BEST3: variants seen among roughly 807,000 people sequenced by gnomAD.
BEST3 encodes bestrophin 3.
In BEST3, 50 loss-of-function variants were observed where a neutral mutation model predicts 47.1. The ratio of observed to expected loss-of-function variants is 1.06; its 90% CI spans 0.85 to 1.34. The LOEUF (loss-of-function observed/expected upper bound fraction) is 1.34. Among genes scored for constraint, BEST3 ranks in the 40% most tolerant of loss-of-function variants. BEST3 has a pLI of 0.00. For synonymous variants in BEST3, 282 were observed against 298.8 expected (o/e 0.94, Z 0.58); for missense variants, 765 against 817.0 (o/e 0.94, Z 0.78).
At chr12:69,659,013 T>C (rs1482797895) in intron 9 of BEST3, among the ~76,000 whole-genome samples, 1 of 152,190 alleles carries the variant, frequency 6.6e-6, no homozygotes, top group South Asian at 2.1e-4. Context: ...AAAAGCAACG[T>C]TGATGACTGC....
At chr12:69,651,443 A>G (rs1241191224), downstream of BEST3, among the ~76,000 whole-genome samples, 3 of 152,324 alleles carry the variant, frequency 2.0e-5, no homozygotes, top group Admixed American at 2.0e-4. Flanking sequence ...CTCAGAGAGT[A>G]GATTTTATGA....
chr12:69,661,863 C>T (rs1341608907), intron 9 of BEST3, among the ~76,000 whole-genome samples: 1 of 152,184 alleles, frequency 6.6e-6, no homozygotes, highest in Non-Finnish European at 1.5e-5. Context: ...AGGGCTTTGG[C>T]AAATCTGGTT....
At position 69,670,880 on chromosome 12, in the gene BEST3, ATACT is replaced by A. The variant is rs370919284; in HGVS notation, c.1100+544_1100+547del. Among the ~76,000 whole-genome samples, 46 of 152,286 alleles carry A rather than the reference ATACT, an allele frequency of 3.0e-4. No homozygotes were observed. The East Asian group carries it at 8.9e-3, about 29-fold the overall frequency. On this transcript the variant is annotated intron_variant, in intron 9 of 9. Transcript: ENST00000330891. ...ACTGTGGCATCTGCCTTCAGCAAATATACTTAAACTTCTCCCACATTCACACACT... is the reference window on the plus strand; with the variant it reads ...ACTGTGGCATCTGCCTTCAGCAAATATAAACTTCTCCCACATTCACACACT...
intron 3 of BEST3, 163 bp downstream of exon 3, chr12:69,694,207 A>G: frequency 1.7e-6 from 1 of 591,132 alleles, no homozygotes. Context: ...TAATTTCGCA[A>G]AAGCAGCCGT....
intron 8 of BEST3, 51 bp from the exon 9 acceptor site, chr12:69,671,630 A>G: frequency 1.3e-6 from 2 of 1,585,732 alleles, no homozygotes; most frequent in Non-Finnish European, 1.7e-6. Flanking sequence ...ATTAAATAAA[A>G]AGGAGAAGTT....
intron 1 of BEST3, 70 bp from the exon 2 acceptor site, chr12:69,697,883 G>C: frequency 8.0e-7 from 1 of 1,253,492 alleles, no homozygotes; most frequent in Non-Finnish European, 1.1e-6. Flanking sequence ...CTGTATGTCT[G>C]TATATCAAGG....
In BEST3 at chr12:69,654,815, C is replaced by T. The variant is rs752740854; in HGVS notation, c.*92G>A. 2.1e-5 allele frequency: 31 copies of T among 1,493,888 alleles called. No homozygotes were observed. The Middle Eastern group carries it at 1.0e-3, about 48-fold the overall frequency. 92.5% of individuals were successfully genotyped at this position (1,493,888 alleles called of 1,614,324 possible). On this transcript the variant is annotated 3_prime_UTR_variant, in exon 10 of 10. Coordinates refer to ENST00000330891, the MANE Select transcript of BEST3 (RefSeq NM_032735.3). The stretch of plus-strand genomic sequence containing the variant: ...AGTGTGATCATGTTTTTTAAAAAGT[C>T]GACCAGCCTTCAGGTATGTCCTGGG...
At chr12:69,670,629 G>A in intron 9 of BEST3, 2 of 692,772 alleles carry the variant, frequency 2.9e-6, no homozygotes, top group East Asian at 2.7e-5. Flanking sequence ...GGGAAAGAAG[G>A]GTCATAGGCA....
intron 7 of BEST3, among the ~76,000 whole-genome samples, chr12:69,674,752 T>A (rs1212581163): frequency 6.6e-6 from 1 of 152,212 alleles, no homozygotes; most frequent in Non-Finnish European, 1.5e-5. Flanking sequence ...GGGGCTGCAT[T>A]TTCAGCAAGT....
chr12:69,662,282 T>G (rs1002571358), intron 9 of BEST3, among the ~76,000 whole-genome samples: 5 of 152,202 alleles, frequency 3.3e-5, no homozygotes, highest in Non-Finnish European at 5.9e-5. Flanking sequence ...ATTTGAGATA[T>G]TTTTGGTAGT....
chr12:69,687,651 G>A (rs1483858987), intron 4 of BEST3, among the ~76,000 whole-genome samples: 2 of 109,308 alleles, frequency 1.8e-5, no homozygotes, highest in African/African-American at 3.4e-5. Context: ...GCAACTGAGT[G>A]AGAACGTGTC....
intron 4 of BEST3, among the ~76,000 whole-genome samples, chr12:69,688,460 T>G (rs1885763707): frequency 6.6e-6 from 1 of 152,252 alleles, no homozygotes; most frequent in African/African-American, 2.4e-5. Context: ...TTTTTTATTT[T>G]TAATTTGAGA....
chr12:69,676,382 T>C (rs1884920199), intron 7 of BEST3, among the ~76,000 whole-genome samples: 1 of 150,122 alleles, frequency 6.7e-6, no homozygotes, highest in Non-Finnish European at 1.5e-5. Flanking sequence ...CTGTACTCCA[T>C]CCTGGACGAC....
At chr12:69,644,023 T>C (rs1882955680) in intron 9 of BEST3, among the ~76,000 whole-genome samples, 1 of 152,166 alleles carries the variant, frequency 6.6e-6, no homozygotes. Context: ...CAAACCAGCT[T>C]TGACTAATGA....
At chr12:69,657,179 T>A (rs541462062) in intron 9 of BEST3, among the ~76,000 whole-genome samples, 31 of 151,816 alleles carry the variant, frequency 2.0e-4, no homozygotes, top group African/African-American at 7.3e-4. Flanking sequence ...CACTGCAACC[T>A]CTGTCTCCCA....
At chr12:69,694,027 A>G (rs1490821813) in intron 3 of BEST3, 120 bp from the exon 4 acceptor site, 1 of 749,708 alleles carries the variant, frequency 1.3e-6, no homozygotes, top group Non-Finnish European at 2.1e-6. Flanking sequence ...ATTATTATCC[A>G]TATCTTCTGA....
intron 7 of BEST3, among the ~76,000 whole-genome samples, chr12:69,674,807 A>T (rs974077582): frequency 2.6e-5 from 4 of 152,054 alleles, no homozygotes; most frequent in Non-Finnish European, 5.9e-5. Flanking sequence ...GCTTTTCTGC[A>T]CTTAGAAAAC....
At chr12:69,673,423 G>GT (rs1884705340) in intron 7 of BEST3, among the ~76,000 whole-genome samples, 3 of 152,084 alleles carry the variant, frequency 2.0e-5, no homozygotes, top group Non-Finnish European at 2.9e-5. Context: ...TAATATAAGA[G>GT]GCTTTCACAA....
intron 7 of BEST3, among the ~76,000 whole-genome samples, chr12:69,675,911 G>A (rs901788412): frequency 6.6e-5 from 10 of 152,184 alleles, no homozygotes; most frequent in Non-Finnish European, 1.3e-4. Context: ...TCTTTGGAAG[G>A]CCAAACATTT....
Sources: gnomAD v4.1 joint callset for allele counts (sites outside exome capture counted in the v4.1 genomes callset) on GRCh38, gnomAD v4.1.1 for gene constraint, MANE v1.5 for transcripts, NCBI Gene and HGNC (gene_info 2026-07-23, HGNC 2026-07-21) for gene names.